Variants in GSG1L observed in about 807,000 individuals in gnomAD.
GSG1L encodes the protein germ cell-specific gene 1-like protein.
A neutral mutation model predicts 42.1 loss-of-function variants in GSG1L; 24 were observed. The observed-to-expected ratio is 0.57, with a 90% CI of 0.41 to 0.80. GSG1L has a LOEUF of 0.80. GSG1L is among the 30% of genes least tolerant of loss of function. GSG1L has a pLI of 0.00. For missense variants in GSG1L, 445 were observed against 472.2 expected, an observed-to-expected ratio of 0.94 and a Z score of 0.53; for synonymous variants, 215 against 203.5, an observed-to-expected ratio of 1.06 and a Z score of -0.48.
intron 6 of GSG1L, among the ~76,000 whole-genome samples, chr16:27,796,430 CA>C (rs1442560773): frequency 6.6e-6 from 1 of 152,124 alleles, no homozygotes; most frequent in Non-Finnish European, 1.5e-5. Flanking sequence ...GGTGTCATCA[CA>C]TATGGGAATA....
intron 4 of GSG1L, among the ~76,000 whole-genome samples, chr16:27,830,827 G>C (rs892694008): frequency 1.3e-5 from 2 of 152,248 alleles, no homozygotes; most frequent in African/African-American, 2.4e-5. Context: ...CCCGAGGATA[G>C]AGAATGAACA....
At chr16:27,815,479 C>T (rs1397910125) in intron 5 of GSG1L, among the ~76,000 whole-genome samples, 1 of 152,194 alleles carries the variant, frequency 6.6e-6, no homozygotes, top group Non-Finnish European at 1.5e-5. Flanking sequence ...ATAAATTACC[C>T]AGCCTCAGGT....
chr16:27,880,322 T>C (rs1023411163), intron 3 of GSG1L, among the ~76,000 whole-genome samples: 3 of 152,166 alleles, frequency 2.0e-5, no homozygotes, highest in Non-Finnish European at 4.4e-5. Flanking sequence ...CAAAATCCTT[T>C]CTCTCCACCA....
At chr16:27,832,242 C>T (rs1044164673) in intron 4 of GSG1L, among the ~76,000 whole-genome samples, 14 of 152,152 alleles carry the variant, frequency 9.2e-5, no homozygotes, top group South Asian at 2.1e-4. Flanking sequence ...GCCCTTTAGC[C>T]AGTTTCCCCC....
intron 2 of GSG1L, among the ~76,000 whole-genome samples, chr16:27,954,568 G>GA (rs771641079): frequency 4.8e-4 from 73 of 152,308 alleles, no homozygotes; most frequent in Non-Finnish European, 8.4e-4. Flanking sequence ...CTGGAGATGG[G>GA]AGAGTTCCTC....
intron 3 of GSG1L, among the ~76,000 whole-genome samples, chr16:27,872,988 C>G (rs942409923): frequency 6.6e-6 from 1 of 152,198 alleles, no homozygotes; most frequent in Non-Finnish European, 1.5e-5. Flanking sequence ...TATCCCTTTA[C>G]TTTCCTAATA....
At chr16:27,942,157 T>C (rs1217498850) in intron 2 of GSG1L, among the ~76,000 whole-genome samples, 1 of 149,594 alleles carries the variant, frequency 6.7e-6, no homozygotes, top group Non-Finnish European at 1.5e-5. Flanking sequence ...CTTTTTTTTT[T>C]TTTTTTTTTT....
chr16:27,976,241 C>T (rs2085249298), intron 1 of GSG1L, among the ~76,000 whole-genome samples: 1 of 152,168 alleles, frequency 6.6e-6, no homozygotes, highest in South Asian at 2.1e-4. Flanking sequence ...AGCCATTGCA[C>T]TCCAGCCTGG....
At chr16:27,968,891 T>G (rs544032352) in intron 1 of GSG1L, among the ~76,000 whole-genome samples, 127 of 152,284 alleles carry the variant, frequency 8.3e-4, no homozygotes, top group African/African-American at 2.9e-3. Context: ...GGCGGATCAC[T>G]TGAGATCAGG....
chr16:28,035,828 C>T (rs189850134), intron 1 of GSG1L, among the ~76,000 whole-genome samples: 3 of 152,228 alleles, frequency 2.0e-5, no homozygotes, highest in East Asian at 1.9e-4. Flanking sequence ...AAGGACAAAG[C>T]GGGGATGACA....
chr16:28,042,252 A>G (rs990597005), intron 1 of GSG1L, among the ~76,000 whole-genome samples: 16 of 152,084 alleles, frequency 1.1e-4, no homozygotes, highest in Admixed American at 5.9e-4. Context: ...CCTAGCCAAC[A>G]TGGTGAAACC....
At chr16:28,053,691 G>A (rs982601851) in intron 1 of GSG1L, among the ~76,000 whole-genome samples, 8 of 152,004 alleles carry the variant, frequency 5.3e-5, no homozygotes, top group Non-Finnish European at 1.2e-4. Context: ...CCAGCTTCTC[G>A]GGCACCCTCC....
At chr16:27,815,843 C>G (rs2140952376) in intron 5 of GSG1L, among the ~76,000 whole-genome samples, 1 of 152,298 alleles carries the variant, frequency 6.6e-6, no homozygotes, top group Non-Finnish European at 1.5e-5. Flanking sequence ...GGTGCTAAGG[C>G]TCATGCCTGT....
chr16:28,053,843 CT>C (rs1427642298), intron 1 of GSG1L, among the ~76,000 whole-genome samples: 1 of 152,224 alleles, frequency 6.6e-6, no homozygotes, highest in Admixed American at 6.5e-5. Flanking sequence ...CTCTCTGCAT[CT>C]CTGTCCGGGT....
chr16:27,981,044 A>G (rs947857412), intron 1 of GSG1L, among the ~76,000 whole-genome samples: 2 of 152,284 alleles, frequency 1.3e-5, no homozygotes, highest in East Asian at 1.9e-4. Context: ...TGATTTGGTC[A>G]TTCCTCTGTA....
chr16:27,839,123 G>A (rs1161748978), intron 4 of GSG1L, among the ~76,000 whole-genome samples: 1 of 152,234 alleles, frequency 6.6e-6, no homozygotes. Flanking sequence ...AGAGGAAAGA[G>A]GCTGGTCTGC....
rs140258837 is a variant in GSG1L at position 28,027,225 on chromosome 16, C to T, written c.349+35851G>A. On this transcript the variant is annotated intron_variant, in intron 1 of 6. Transcript: ENST00000447459. ...GTGCTCTGGGCAGGCCTAACCATCCCACCAATGAAGCAGGCACATGATCTA... is the reference window on the plus strand; with the variant it reads ...GTGCTCTGGGCAGGCCTAACCATCCTACCAATGAAGCAGGCACATGATCTA... Among the ~76,000 whole-genome samples, 309 of 152,288 alleles carry T rather than the reference C, an allele frequency of 2.0e-3. 1 individual carries two copies. The highest frequency in any genetic ancestry group is 7.1e-3 in the African/African-American group (295 of 41,564).
intron 2 of GSG1L, among the ~76,000 whole-genome samples, chr16:27,941,269 A>G (rs2084790798): frequency 6.6e-6 from 1 of 152,128 alleles, no homozygotes; most frequent in African/African-American, 2.4e-5. Context: ...AGGTGTTAAT[A>G]TCCAGAATAT....
Position 28,062,606 on chromosome 16 carries a change from G to A in GSG1L, c.349+470C>T, listed in dbSNP as rs562377886. ...GGAAGGCTCCCGGGTCTGTGGATCTGCGGCAGGAGGGGCGGCTGGTAGCAG... is the reference window on the plus strand; with the variant it reads ...GGAAGGCTCCCGGGTCTGTGGATCTACGGCAGGAGGGGCGGCTGGTAGCAG... On this transcript the variant is annotated intron_variant, in intron 1 of 6. Coordinates refer to ENST00000447459, the MANE Select transcript of GSG1L (RefSeq NM_001109763.2). 2.0e-5 allele frequency among the ~76,000 whole-genome samples: 3 copies of A among 152,320 alleles called. No individual in the cohort carries two copies. In the East Asian group the frequency reaches 5.8e-4, roughly 29 times the overall value.
Sources: gnomAD v4.1 joint callset for allele counts (sites outside exome capture counted in the v4.1 genomes callset) on GRCh38, gnomAD v4.1.1 for gene constraint, MANE v1.5 for transcripts, NCBI Gene and HGNC (gene_info 2026-07-23, HGNC 2026-07-21) for gene names.